Variants in CACNG2 observed in about 807,000 individuals in gnomAD.
CACNG2 encodes the protein calcium voltage-gated channel auxiliary subunit gamma 2, also known as voltage-dependent calcium channel gamma-2 subunit.
CACNG2 carries 3 observed loss-of-function variants against 25.9 expected under a neutral mutation model. The observed-to-expected ratio is 0.12, with a 90% CI of 0.05 to 0.30. The LOEUF (loss-of-function observed/expected upper bound fraction) is 0.30. Ranked by LOEUF, CACNG2 falls within the 10% of genes least tolerant of loss-of-function variation. The pLI, the probability that CACNG2 is intolerant of heterozygous loss-of-function variation, is 1.00. For missense variants in CACNG2, 341 were observed against 432.5 expected, an observed-to-expected ratio of 0.79 and a Z score of 1.88; for synonymous variants, 167 against 173.3, an observed-to-expected ratio of 0.96 and a Z score of 0.29.
At chr22:36,571,254 C>T (rs1171131716) in intron 2 of CACNG2, among the ~76,000 whole-genome samples, 3 of 151,748 alleles carry the variant, frequency 2.0e-5, no homozygotes, top group Admixed American at 6.6e-5. Flanking sequence ...GTCAGGAGTT[C>T]GAGACCAACC....
At chr22:36,597,565 A>C (rs867505444) in intron 1 of CACNG2, among the ~76,000 whole-genome samples, 5 of 152,198 alleles carry the variant, frequency 3.3e-5, no homozygotes, top group Admixed American at 6.5e-5. Context: ...TGCAGTTCTT[A>C]ACCCAGAACA....
chr22:36,693,690 T>A (rs1298973357), intron 1 of CACNG2, among the ~76,000 whole-genome samples: 1 of 152,172 alleles, frequency 6.6e-6, no homozygotes, highest in East Asian at 1.9e-4. Flanking sequence ...ATGGGACCAT[T>A]GGCATTGCCA....
At chr22:36,612,912 C>T (rs1017512443) in intron 1 of CACNG2, among the ~76,000 whole-genome samples, 2 of 152,120 alleles carry the variant, frequency 1.3e-5, no homozygotes, top group African/African-American at 4.8e-5. Flanking sequence ...CATCCTTTCC[C>T]GCTAATGCTG....
In CACNG2 at chr22:36,606,776, G is replaced by A. The variant is rs1406285660; in HGVS notation, c.212-19228C>T. On this transcript the variant is annotated intron_variant, in intron 1 of 3. Coordinates refer to ENST00000300105, the MANE Select transcript of CACNG2 (RefSeq NM_006078.5). This position sits in a 1 kb window ranked among gnomAD's most constrained non-coding sequence, Gnocchi z 5.7. ...GCTGTGCGTGTGTGTGTGTGTGTGT[G>A]TGTATGTGTTTGTATGTATGTGTGT... Among the ~76,000 whole-genome samples, 1 of 150,022 alleles carries A rather than the reference G, an allele frequency of 6.7e-6. No homozygotes were observed. The highest frequency in any genetic ancestry group is 1.5e-5 in the Non-Finnish European group (1 of 67,324).
In CACNG2 at chr22:36,561,825, G is replaced by A. The variant is rs1224585933; in HGVS notation, c.*2526C>T. On this transcript the variant is annotated 3_prime_UTR_variant, in exon 4 of 4. Transcript: ENST00000300105. ...TGGGGAAGAAAGGGGAGAAACACAG[G>A]ATGCCCTTGACCTTTAGTCTGTGGT... The A allele has an allele frequency of 1.3e-5, 2 of 152,304 alleles. No homozygotes were observed. Among genetic ancestry groups the A allele is most frequent in the African/African-American group, 4.8e-5 (2 of 41,450 alleles). 9.4% of individuals were successfully genotyped at this position (152,304 alleles called of 1,614,324 possible).
At chr22:36,575,475 C>T (rs1274470573) in intron 2 of CACNG2, among the ~76,000 whole-genome samples, 2 of 144,970 alleles carry the variant, frequency 1.4e-5, no homozygotes, top group Non-Finnish European at 3.0e-5. Flanking sequence ...CGCGGGGCCC[C>T]GAGGTTTTCT....
At chr22:36,603,263 A>T (rs981664068) in intron 1 of CACNG2, among the ~76,000 whole-genome samples, 1 of 152,248 alleles carries the variant, frequency 6.6e-6, no homozygotes, top group Non-Finnish European at 1.5e-5. Flanking sequence ...CTTCAATTGT[A>T]TGAAGGCTAA....
At position 36,563,367 on chromosome 22, in the gene CACNG2, G is replaced by A. The variant is rs1204346368; in HGVS notation, c.*984C>T. 1.4e-4 allele frequency among the ~76,000 whole-genome samples: 2 copies of A among 14,186 alleles called. No homozygotes were observed. Among genetic ancestry groups the A allele is most frequent in the East Asian group, 4.3e-4 (1 of 2,308 alleles). The allele number at this position is 14,186 out of a possible 152,430, so 9.3% of individuals were successfully genotyped here. On this transcript the variant is annotated 3_prime_UTR_variant, in exon 4 of 4. Coordinates refer to ENST00000300105, the MANE Select transcript of CACNG2 (RefSeq NM_006078.5). Reference sequence around the variant, plus strand: ...GAGGGAGAGCTGTTTCATGTCCCCCGGGGGGGGGGGTGGCATCTCCTGACC... The same window carrying A: ...GAGGGAGAGCTGTTTCATGTCCCCCAGGGGGGGGGGTGGCATCTCCTGACC...
intron 2 of CACNG2, among the ~76,000 whole-genome samples, chr22:36,576,845 GATA>G (rs1220412623): frequency 6.6e-6 from 1 of 152,116 alleles, no homozygotes; most frequent in Admixed American, 6.6e-5. Flanking sequence ...GATGAATTAA[GATA>G]ATGTTTCAAG....
At chr22:36,701,126 C>CT (rs1937406311) in intron 1 of CACNG2, among the ~76,000 whole-genome samples, 1 of 152,178 alleles carries the variant, frequency 6.6e-6, no homozygotes, top group Admixed American at 6.5e-5. Flanking sequence ...ACAAACAATC[C>CT]TGCAGTCCTT....
chr22:36,677,715 T>C (rs1937037496), intron 1 of CACNG2, among the ~76,000 whole-genome samples: 1 of 152,176 alleles, frequency 6.6e-6, no homozygotes, highest in Admixed American at 6.5e-5. Context: ...ACCAGAGAAA[T>C]ATACACTGGC....
At chr22:36,701,504 C>T (rs1294250269) in intron 1 of CACNG2, among the ~76,000 whole-genome samples, 1 of 152,002 alleles carries the variant, frequency 6.6e-6, no homozygotes, top group Non-Finnish European at 1.5e-5. Flanking sequence ...AAAGAGCTGA[C>T]ACCCCCACTC....
At chr22:36,592,322 C>T (rs1935609456) in intron 1 of CACNG2, among the ~76,000 whole-genome samples, 1 of 151,474 alleles carries the variant, frequency 6.6e-6, no homozygotes, top group Non-Finnish European at 1.5e-5. Flanking sequence ...AATGGGGGTG[C>T]ATGGGAGTGA....
At chr22:36,646,666 C>T (rs1437789768) in intron 1 of CACNG2, among the ~76,000 whole-genome samples, 1 of 151,832 alleles carries the variant, frequency 6.6e-6, no homozygotes, top group Admixed American at 6.6e-5. Context: ...TCACACCACA[C>T]CTCCTAGATT....
intron 1 of CACNG2, among the ~76,000 whole-genome samples, chr22:36,644,481 G>A (rs1056592384): frequency 5.3e-5 from 8 of 152,170 alleles, no homozygotes; most frequent in Non-Finnish European, 1.2e-4. Flanking sequence ...TTGGCTTCTT[G>A]CCACTGACTC....
At chr22:36,586,984 A>G (rs1935516739) in intron 2 of CACNG2, among the ~76,000 whole-genome samples, 1 of 151,206 alleles carries the variant, frequency 6.6e-6, no homozygotes, top group Non-Finnish European at 1.5e-5. Context: ...TAGAAGTTCC[A>G]ATCTGGCACT....
chr22:36,588,471 C>T (rs531168405), intron 1 of CACNG2, among the ~76,000 whole-genome samples: 1 of 152,346 alleles, frequency 6.6e-6, no homozygotes, highest in Non-Finnish European at 1.5e-5. Context: ...ATCACCAGAG[C>T]ATCGGCTTCC....
At chr22:36,688,743 T>A (rs1279787455) in intron 1 of CACNG2, among the ~76,000 whole-genome samples, 1 of 152,064 alleles carries the variant, frequency 6.6e-6, no homozygotes, top group Non-Finnish European at 1.5e-5. Flanking sequence ...TGCCAGAACC[T>A]GCTGGCCATG....
chr22:36,647,215 A>C (rs1232894395), intron 1 of CACNG2, among the ~76,000 whole-genome samples: 1 of 152,092 alleles, frequency 6.6e-6, no homozygotes, highest in Non-Finnish European at 1.5e-5. Context: ...TCATCTGGAC[A>C]CCTGCAGTGA....
Sources: allele counts gnomAD v4.1 joint callset (sites outside exome capture counted in the v4.1 genomes callset), GRCh38; gene constraint gnomAD v4.1.1; non-coding constraint Gnocchi (gnomAD v3.1); transcripts MANE v1.5; gene names NCBI Gene and HGNC (gene_info 2026-07-23, HGNC 2026-07-21).